Variants in CNOT6 observed in about 807,000 individuals in gnomAD.
CNOT6 encodes carbon catabolite repression 4 protein.
In CNOT6, 12 loss-of-function variants were observed where a neutral mutation model predicts 61.2. The ratio of observed to expected loss-of-function variants is 0.20; its 90% CI spans 0.13 to 0.32. CNOT6 has a LOEUF of 0.32. CNOT6 is among the 10% of genes least tolerant of loss of function. The pLI, the probability that CNOT6 is intolerant of heterozygous loss-of-function variation, is 1.00. For synonymous variants in CNOT6, 225 were observed against 240.6 expected, an observed-to-expected ratio of 0.94 and a Z score of 0.60; for missense variants, 405 against 663.9, an observed-to-expected ratio of 0.61 and a Z score of 4.28.
At chr5:180,573,887 T>TGTTC (rs1177249372) in intron 11 of CNOT6, 101 bp from the exon 12 acceptor site, 1 of 773,766 alleles carries the variant, frequency 1.3e-6, no homozygotes, top group Non-Finnish European at 2.2e-6. Context: ...TCACTTGTTC[T>TGTTC]GTTCTGTTCA....
At chr5:180,554,308 C>T (rs919972945) in intron 4 of CNOT6, among the ~76,000 whole-genome samples, 1 of 151,738 alleles carries the variant, frequency 6.6e-6, no homozygotes, top group Non-Finnish European at 1.5e-5. Flanking sequence ...GTACCACCTA[C>T]TTGGGAGGCT....
At chr5:180,542,397 T>C (rs1759094859) in intron 2 of CNOT6, among the ~76,000 whole-genome samples, 1 of 152,076 alleles carries the variant, frequency 6.6e-6, no homozygotes, top group African/African-American at 2.4e-5. Flanking sequence ...CCCGAGTAGC[T>C]GGGACTACAG....
intron 1 of CNOT6, among the ~76,000 whole-genome samples, chr5:180,521,058 C>T (rs1012051796): frequency 1.3e-5 from 2 of 151,958 alleles, no homozygotes; most frequent in African/African-American, 2.4e-5. Flanking sequence ...TTGCTGGTCA[C>T]GAACTCCCGA....
intron 4 of CNOT6, among the ~76,000 whole-genome samples, chr5:180,563,551 C>A (rs1760299585): frequency 6.6e-6 from 1 of 152,150 alleles, no homozygotes; most frequent in African/African-American, 2.4e-5. Context: ...TGAGTCCAGT[C>A]TTTTATGAGA....
chr5:180,503,755 G>A lies in CNOT6; in HGVS notation c.-3+8992G>A, dbSNP rs527925978. 7.5e-4 allele frequency among the ~76,000 whole-genome samples: 114 copies of A among 151,902 alleles called. No homozygotes were observed. The South Asian group carries it at 8.5e-3, about 11-fold the overall frequency. ...CGAGTAGCTGGGACTACAGGCGTGCGCCACCACACCCGGCTAATTTTTTGT... is the reference window on the plus strand; with the variant it reads ...CGAGTAGCTGGGACTACAGGCGTGCACCACCACACCCGGCTAATTTTTTGT... On this transcript the variant is annotated intron_variant, in intron 1 of 11. Transcript: ENST00000261951.
chr5:180,543,955 C>T (rs990010756), intron 2 of CNOT6, among the ~76,000 whole-genome samples: 17 of 152,006 alleles, frequency 1.1e-4, no homozygotes, highest in Non-Finnish European at 1.9e-4. Context: ...GGACTACAGG[C>T]GCCCGCCACC....
intron 1 of CNOT6, among the ~76,000 whole-genome samples, chr5:180,525,957 G>A (rs1043048054): frequency 6.6e-6 from 1 of 152,124 alleles, no homozygotes; most frequent in African/African-American, 2.4e-5. Flanking sequence ...TTTAGAGACA[G>A]GGTTGTGCTT....
At position 180,556,397 on chromosome 5, in the gene CNOT6, G is replaced by A. The variant is rs533202271; in HGVS notation, c.385+2926G>A. 5.0e-4 allele frequency among the ~76,000 whole-genome samples: 76 copies of A among 152,316 alleles called. No individual in the cohort carries two copies. The South Asian group carries it at 8.5e-3, about 17-fold the overall frequency. On this transcript the variant is annotated intron_variant, in intron 4 of 11. Coordinates refer to ENST00000261951, the MANE Select transcript of CNOT6 (RefSeq NM_001370472.1). ...TAATAATAATGTGTATTTTTTAACA[G>A]CTAAAAGAATGGATATTAAATGTTT...
chr5:180,504,982 C>T (rs1370677557), intron 1 of CNOT6, among the ~76,000 whole-genome samples: 15 of 50,918 alleles, frequency 2.9e-4, no homozygotes, highest in South Asian at 6.0e-4. Flanking sequence ...TTTTTTGAGA[C>T]GAAGTCTTGC....
At chr5:180,556,022 T>A (rs975626537) in intron 4 of CNOT6, among the ~76,000 whole-genome samples, 24 of 152,214 alleles carry the variant, frequency 1.6e-4, no homozygotes, top group Admixed American at 1.6e-3. Context: ...TACTTGTAGA[T>A]TCACATGCAC....
intron 1 of CNOT6, among the ~76,000 whole-genome samples, chr5:180,516,241 C>T (rs547040621): frequency 2.0e-5 from 3 of 147,986 alleles, no homozygotes; most frequent in South Asian, 2.1e-4. Flanking sequence ...AGTGCAGTGG[C>T]GCCACCTTGG....
intron 1 of CNOT6, among the ~76,000 whole-genome samples, chr5:180,512,965 G>T (rs1011602301): frequency 2.0e-5 from 3 of 148,570 alleles, no homozygotes; most frequent in Non-Finnish European, 4.5e-5. Flanking sequence ...GTGCGATCTC[G>T]GCTCACTGCA....
intron 4 of CNOT6, among the ~76,000 whole-genome samples, chr5:180,556,459 G>A (rs751292784): frequency 1.3e-5 from 2 of 152,184 alleles, no homozygotes; most frequent in African/African-American, 2.4e-5. Flanking sequence ...TGGATATGTT[G>A]ATTAGCCTGA....
At chr5:180,553,511 A>G in intron 4 of CNOT6, 40 bp downstream of exon 4, 1 of 1,469,378 alleles carries the variant, frequency 6.8e-7, no homozygotes, top group Admixed American at 1.8e-5. Flanking sequence ...GTTTGTGTAT[A>G]TGTCTTTGAA....
intron 3 of CNOT6, 116 bp downstream of exon 3, chr5:180,550,233 T>G: frequency 1.4e-6 from 1 of 718,298 alleles, no homozygotes; most frequent in Non-Finnish European, 2.3e-6. Context: ...GAGAGGATCA[T>G]GAGGTCAGGA....
Position 180,566,583 on chromosome 5 carries a change from A to G in CNOT6, c.718-505A>G, listed in dbSNP as rs527992041. Among the ~76,000 whole-genome samples the G allele has an allele frequency of 7.2e-5, 11 of 151,730 alleles. No homozygotes were observed. In the East Asian group the frequency reaches 1.9e-3, roughly 27 times the overall value. ...GTTGCCCTTGGTACCTAGTACCTGT[A>G]AAATGACAAGTCGCTGTTCCAGTTG... On this transcript the variant is annotated intron_variant, in intron 7 of 11. Transcript: ENST00000261951.
rs923365654 is a variant in CNOT6, at chr5:180,497,195, C to T, written c.-3+2432C>T. ...ATACAAAATTAGCCAGGTGTGGTGG[C>T]GCATGCCTGTAATCCCAGCTATTCA... On this transcript the variant is annotated intron_variant, in intron 1 of 11. Transcript: ENST00000261951. Among the ~76,000 whole-genome samples, 9 of 151,920 alleles carry T rather than the reference C, an allele frequency of 5.9e-5. No individual in the cohort carries two copies. In the South Asian group the frequency reaches 8.3e-4, roughly 14 times the overall value.
At chr5:180,511,728 T>C (rs1223773437) in intron 1 of CNOT6, among the ~76,000 whole-genome samples, 1 of 151,972 alleles carries the variant, frequency 6.6e-6, no homozygotes, top group Non-Finnish European at 1.5e-5. Flanking sequence ...ATTGTGCTAC[T>C]ACACTCCAGC....
chr5:180,565,214 A>ACTC, intron 6 of CNOT6, among the ~76,000 whole-genome samples: 1 of 152,350 alleles, frequency 6.6e-6, no homozygotes, highest in Admixed American at 6.5e-5. Flanking sequence ...CTCTATGAGA[A>ACTC]GTTTCCAAAT....
Sources: gnomAD v4.1 joint callset for allele counts (sites outside exome capture counted in the v4.1 genomes callset) on GRCh38, gnomAD v4.1.1 for gene constraint, MANE v1.5 for transcripts, NCBI Gene and HGNC (gene_info 2026-07-23, HGNC 2026-07-21) for gene names.